Variants in TNRC6B observed in about 807,000 individuals in gnomAD.
The protein encoded by TNRC6B is trinucleotide repeat-containing gene 6B protein.
In TNRC6B, 52 loss-of-function variants were observed where a neutral mutation model predicts 203.6. That is an observed-to-expected ratio of 0.26 (90% CI 0.20 to 0.32). TNRC6B has a LOEUF of 0.32. Among genes scored for constraint, TNRC6B ranks in the 10% least tolerant of loss-of-function variants. The pLI, the probability that TNRC6B is intolerant of heterozygous loss-of-function variation, is 1.00. For synonymous variants in TNRC6B, 838 were observed against 845.7 expected, an observed-to-expected ratio of 0.99 and a Z score of 0.16; for missense variants, 1,923 against 2,286.2, an observed-to-expected ratio of 0.84 and a Z score of 3.24.
chr22:40,130,992 C>A (rs1005878006), intron 3 of TNRC6B, among the ~76,000 whole-genome samples: 1 of 151,052 alleles, frequency 6.6e-6, no homozygotes, highest in Non-Finnish European at 1.5e-5. Context: ...AGCTCCGCCT[C>A]CCGGGTTCAC....
intron 3 of TNRC6B, among the ~76,000 whole-genome samples, chr22:40,151,560 G>GAAAA (rs147036721): frequency 0.66 from 92,804 of 139,970 alleles, 32,330 homozygotes; most frequent in African/African-American, 0.88. Context: ...AAAGAAAAAA[G>GAAAA]AAAAAAACTA....
intron 3 of TNRC6B, among the ~76,000 whole-genome samples, chr22:40,136,080 G>A (rs2068596642): frequency 6.6e-6 from 1 of 152,116 alleles, no homozygotes; most frequent in African/African-American, 2.4e-5. Flanking sequence ...GCGAGGACTG[G>A]CATTTCTGGC....
At chr22:40,282,645 T>TA (rs907741078) in intron 11 of TNRC6B, among the ~76,000 whole-genome samples, 3 of 152,092 alleles carry the variant, frequency 2.0e-5, no homozygotes, top group Non-Finnish European at 2.9e-5. Context: ...CATTAGGCTC[T>TA]AAAAAAAGGT....
At chr22:40,154,574 C>T (rs1296785370) in intron 3 of TNRC6B, among the ~76,000 whole-genome samples, 2 of 151,398 alleles carry the variant, frequency 1.3e-5, no homozygotes, top group Non-Finnish European at 2.9e-5. Context: ...GGCGTGGTGG[C>T]TCACGCCTGT....
intron 12 of TNRC6B, among the ~76,000 whole-genome samples, chr22:40,286,706 G>A (rs2070788228): frequency 6.6e-6 from 1 of 152,172 alleles, no homozygotes; most frequent in Admixed American, 6.5e-5. Flanking sequence ...GAACCATTTA[G>A]GTCTGTCCCT....
intron 1 of TNRC6B, among the ~76,000 whole-genome samples, chr22:40,207,563 A>T (rs2069499006): frequency 6.6e-6 from 1 of 151,686 alleles, no homozygotes; most frequent in Non-Finnish European, 1.5e-5. Flanking sequence ...CTAGGAGAAG[A>T]TATTTTCAGT....
chr22:40,283,593 G>A (rs1057039925), intron 11 of TNRC6B, among the ~76,000 whole-genome samples: 1 of 152,168 alleles, frequency 6.6e-6, no homozygotes, highest in Non-Finnish European at 1.5e-5. Context: ...GTGATGCCCA[G>A]CTTCCATATT....
rs55644816 is a variant in TNRC6B at position 40,207,418 on chromosome 22, AATAT to A, written c.5+29301_5+29304del. On this transcript the variant is annotated intron_variant, in intron 1 of 22. Transcript: ENST00000454349. ...TGAGACCCTGCCTCAAAAAAAAAAA[AATAT>A]ATATATATATATATATATATATGTA... Among the ~76,000 whole-genome samples, 135 of 128,656 alleles carry A rather than the reference AATAT, an allele frequency of 1.0e-3. 1 individual carries two copies. Among genetic ancestry groups the A allele is most frequent in the Middle Eastern group, 3.9e-3 (1 of 258 alleles). The allele number at this position is 128,656 out of a possible 152,430, so 84.4% of individuals were successfully genotyped here. A position where few individuals can be genotyped will look rare whatever the true frequency, so the allele number is the denominator to read the frequency against.
chr22:40,240,828 GTTGT>G (rs1378725920), intron 1 of TNRC6B, among the ~76,000 whole-genome samples: 2 of 152,074 alleles, frequency 1.3e-5, no homozygotes, highest in Non-Finnish European at 2.9e-5. Context: ...TTTTATTGTT[GTTGT>G]TTGTTTTGGA....
At chr22:40,282,134 TA>T (rs1569053060) in intron 11 of TNRC6B, among the ~76,000 whole-genome samples, 2 of 152,250 alleles carry the variant, frequency 1.3e-5, no homozygotes, top group African/African-American at 4.8e-5. Context: ...GGGAGGACGT[TA>T]ATTATACAAC....
At chr22:40,076,725 A>C (rs774378335) in intron 1 of TNRC6B, among the ~76,000 whole-genome samples, 25 of 152,190 alleles carry the variant, frequency 1.6e-4, no homozygotes, top group Non-Finnish European at 3.4e-4. Flanking sequence ...GACTGAAAAA[A>C]TGCTTTAATG....
At chr22:40,154,861 AT>A (rs1381611677) in intron 3 of TNRC6B, among the ~76,000 whole-genome samples, 2,396 of 18,212 alleles carry the variant, frequency 0.13, 54 homozygotes, top group Non-Finnish European at 0.16. Flanking sequence ...AAAAAAAAAA[AT>A]ATATATATAT....
chr22:40,298,609 G>A (rs1213042295), intron 12 of TNRC6B, among the ~76,000 whole-genome samples: 1 of 152,216 alleles, frequency 6.6e-6, no homozygotes, highest in Non-Finnish European at 1.5e-5. Flanking sequence ...CATTCCAGTT[G>A]GAGATCAGGA....
intron 1 of TNRC6B, among the ~76,000 whole-genome samples, chr22:40,057,565 C>T (rs947848144): frequency 2.0e-5 from 3 of 152,130 alleles, no homozygotes; most frequent in Non-Finnish European, 4.4e-5. Context: ...GGATTACAGG[C>T]GTGAGCCACC....
chr22:40,329,542 A>T lies in TNRC6B; in HGVS notation c.*6301A>T, dbSNP rs1352018067. On this transcript the variant is annotated 3_prime_UTR_variant, in exon 23 of 23. Transcript: ENST00000454349. ...AACATAGTAATAACAATAAAAATTC[A>T]ACATCGACCCTCCCTAACCTGCTCA... 1 of 152,136 alleles carries T rather than the reference A, an allele frequency of 6.6e-6. No homozygotes were observed. The highest frequency in any genetic ancestry group is 6.6e-5 in the Admixed American group (1 of 15,266). 9.4% of individuals were successfully genotyped at this position (152,136 alleles called of 1,614,324 possible).
chr22:40,323,219 G>T lies in TNRC6B; in HGVS notation c.5480G>T (p.Gly1827Val). Residue 1827 changes from glycine (G) to valine (V), a missense_variant, in exon 23 of 23, where the codon GGA (glycine) becomes GTA (valine). By Grantham distance (109) the Gly-to-Val change is moderately radical. Around this residue, in one of 8 missense-constraint regions of TNRC6B, gnomAD observed 126 missense variants for 137.5 expected, o/e 0.92. Coordinates refer to ENST00000454349, the MANE Select transcript of TNRC6B (RefSeq NM_001162501.2). ...CCTTTACTACCTGGTGACCTTCTGGGAGGAGGGTCGGATTCAATCTGAACT... is the reference window on the plus strand; with the variant it reads ...CCTTTACTACCTGGTGACCTTCTGGTAGGAGGGTCGGATTCAATCTGAACT... ...PAPLLPGDLLGGGSDSI is the reference protein window; with the variant it reads ...PAPLLPGDLLVGGSDSI 1 of 1,612,544 alleles carries T rather than the reference G, an allele frequency of 6.2e-7. No individual in the cohort carries two copies. Among genetic ancestry groups the T allele is most frequent in the Non-Finnish European group, 8.5e-7 (1 of 1,179,804 alleles).
chr22:40,313,981 G>A (rs751674560), intron 19 of TNRC6B, among the ~76,000 whole-genome samples: 4 of 152,086 alleles, frequency 2.6e-5, no homozygotes, highest in African/African-American at 4.8e-5. Flanking sequence ...TCAATATTCC[G>A]GGTTTTGAAC....
intron 3 of TNRC6B, among the ~76,000 whole-genome samples, chr22:40,145,468 A>G (rs770816785): frequency 2.0e-5 from 3 of 152,210 alleles, no homozygotes; most frequent in Non-Finnish European, 4.4e-5. Context: ...TTTTAACTGC[A>G]GTACCTGCAG....
intron 9 of TNRC6B, among the ~76,000 whole-genome samples, chr22:40,279,577 A>G (rs1381008531): frequency 2.6e-5 from 4 of 152,206 alleles, no homozygotes; most frequent in Admixed American, 2.6e-4. Flanking sequence ...CAGACCATTT[A>G]TCTAGATGAT....
Sources: gnomAD v4.1 joint callset for allele counts (sites outside exome capture counted in the v4.1 genomes callset) on GRCh38, gnomAD v4.1.1 for gene constraint, gnomAD v4.1.1 regional missense constraint, MANE v1.5 for transcripts, NCBI Gene and HGNC (gene_info 2026-07-23, HGNC 2026-07-21) for gene names.